The following RGL4 variants were observed in gnomAD, a reference collection of about 807,000 sequenced individuals.
RGL4 encodes the protein ral guanine nucleotide dissociation stimulator like 4, also known as ral-GDS-related protein.
In RGL4, 41 loss-of-function variants were observed where a neutral mutation model predicts 49.6. The ratio of observed to expected loss-of-function variants is 0.83; its 90% CI spans 0.64 to 1.07. The LOEUF is 1.07. Among genes scored for constraint, RGL4 ranks in the 50% least tolerant of loss-of-function variants. The pLI, the probability that RGL4 is intolerant of heterozygous loss-of-function variation, is 0.00. For missense variants in RGL4, 610 were observed against 591.9 expected (o/e 1.03, Z -0.32); for synonymous variants, 255 against 238.0 (o/e 1.07, Z -0.66).
intron 7 of RGL4, 92 bp from the exon 8 acceptor site, chr22:23,697,079 G>A (rs1923555531): frequency 1.3e-5 from 12 of 954,768 alleles, no homozygotes; most frequent in Admixed American, 1.1e-4. Context: ...AGGGGCTGAT[G>A]GGATTTCATG....
chr22:23,693,650 GT>G lies in RGL4; in HGVS notation c.697-107del, dbSNP rs1923287530. ...TTAAAGCTTTCTGAGCTCCAGCTTGGTTCCTGCCAGAGACCGTGGATGACTG... is the reference window on the plus strand; with the variant it reads ...TTAAAGCTTTCTGAGCTCCAGCTTGGTCCTGCCAGAGACCGTGGATGACTG... On this transcript the variant is annotated intron_variant, in intron 3 of 10. Transcript: ENST00000290691. 3 of 886,568 alleles carry G rather than the reference GT, an allele frequency of 3.4e-6. No individual in the cohort carries two copies. In the Admixed American group the frequency reaches 6.0e-5, roughly 18 times the overall value. 54.9% of individuals were successfully genotyped at this position (886,568 alleles called of 1,614,324 possible).
At position 23,695,438 on chromosome 22, in the gene RGL4, TCTGCTGCTGCTGCTGCTGCTGCTG is replaced by T. The variant is rs60344348; in HGVS notation, c.1086+435_1086+458del. The T allele has an allele frequency of 6.0e-5, 33 of 548,632 alleles. No homozygotes were observed. The African/African-American group carries it at 6.1e-4, about 10-fold the overall frequency. The allele number at this position is 548,632 out of a possible 1,614,324, so 34.0% of individuals were successfully genotyped here. Reference sequence around the variant, plus strand: ...CAGCAATTCCTCAGGAAGCCAGGCCTCTGCTGCTGCTGCTGCTGCTGCTGCTGCTGCTGCTGCTGTCTGCAGCAC... The same window carrying T: ...CAGCAATTCCTCAGGAAGCCAGGCCTCTGCTGCTGCTGCTGTCTGCAGCAC... On this transcript the variant is annotated intron_variant, in intron 6 of 10. Coordinates refer to ENST00000290691, the MANE Select transcript of RGL4 (RefSeq NM_153615.2).
At position 23,699,125 on chromosome 22, in the gene RGL4, G is replaced by T; in HGVS notation, c.*242G>T. The T allele has an allele frequency of 6.8e-7, 1 of 1,480,216 alleles. No homozygotes were observed. The allele number at this position is 1,480,216 out of a possible 1,614,324, so 91.7% of individuals were successfully genotyped here. Reference sequence around the variant, plus strand: ...TTTATTTTCTTTAGTGTATAAGTAAGGGTTTTTTCTTAACTTTCGTTAAAA... The same window carrying T: ...TTTATTTTCTTTAGTGTATAAGTAATGGTTTTTTCTTAACTTTCGTTAAAA... On this transcript the variant is annotated 3_prime_UTR_variant, in exon 11 of 11. Coordinates refer to ENST00000290691, the MANE Select transcript of RGL4 (RefSeq NM_153615.2).
chr22:23,692,964 G>T lies in RGL4; in HGVS notation c.669G>T (p.Leu223=). 1 of 1,609,302 alleles carries T rather than the reference G, an allele frequency of 6.2e-7. No individual in the cohort carries two copies. The change falls in exon 3 of 11, where the codon CTG becomes CTT. Residue 223 remains leucine, a synonymous_variant. Coordinates refer to ENST00000290691, the MANE Select transcript of RGL4 (RefSeq NM_153615.2). ...TGACGACCTTCCCTCCCAGGCTGCT[G>T]GCAGAGCAGCTGACCCTCATGGATG... is the stretch of plus-strand genomic sequence containing the variant. The part of the protein sequence containing the change: ...PDMTTFPPRL[L]AEQLTLMDAE...
At position 23,693,222 on chromosome 22, in the gene RGL4, A is replaced by G. The variant is rs181000781; in HGVS notation, c.696+231A>G. Reference sequence around the variant, plus strand: ...GTGACTGTGCAGACTGAGTGACAGGAGATGGACAGAAAGCAGGGCAGGGCA... The same window carrying G: ...GTGACTGTGCAGACTGAGTGACAGGGGATGGACAGAAAGCAGGGCAGGGCA... On this transcript the variant is annotated intron_variant, in intron 3 of 10. Transcript: ENST00000290691. 163 of 746,786 alleles carry G rather than the reference A, an allele frequency of 2.2e-4. 1 individual carries two copies. The highest frequency in any genetic ancestry group is 2.2e-3 in the African/African-American group (123 of 56,672). The allele number at this position is 746,786 out of a possible 1,614,324, so 46.3% of individuals were successfully genotyped here. A position where few individuals can be genotyped will look rare whatever the true frequency, so the allele number is the denominator to read the frequency against.
intron 5 of RGL4, chr22:23,694,699 C>T (rs1187493823): frequency 2.0e-5 from 12 of 593,410 alleles, no homozygotes; most frequent in Non-Finnish European, 3.3e-5. Flanking sequence ...TTGTACCCAG[C>T]AGTGGAACTC....
chr22:23,693,203 G>A (rs1923253728), intron 3 of RGL4: 1 of 845,142 alleles, frequency 1.2e-6, no homozygotes, highest in Middle Eastern at 3.7e-4. Context: ...CAGAGTGACT[G>A]TGCAGACTGA....
chr22:23,697,765 C>A, intron 8 of RGL4, 73 bp from the exon 9 acceptor site: 2 of 1,518,900 alleles, frequency 1.3e-6, no homozygotes, highest in Admixed American at 1.9e-5. Flanking sequence ...GGCAGTAGTG[C>A]AGCATGGGAA....
intron 10 of RGL4, chr22:23,698,583 G>A (rs1396772987): frequency 4.2e-6 from 3 of 721,156 alleles, no homozygotes; most frequent in East Asian, 2.7e-5. Flanking sequence ...GTCCAGGATC[G>A]TCTCAAACTC....
rs1446112815 is a variant in RGL4 at position 23,694,933 on chromosome 22, C to G, written c.1017-17C>G. The stretch of plus-strand genomic sequence containing the variant: ...CTGATTCCCAAATTTACCCTTCTTT[C>G]TTTCCTCTGCCCATAGCAAAAGCAT... On this transcript the variant is annotated splice_polypyrimidine_tract_variant and intron_variant, in intron 5 of 10. Transcript: ENST00000290691. The G allele has an allele frequency of 1.2e-6, 2 of 1,608,724 alleles. No homozygotes were observed. Among genetic ancestry groups the G allele is most frequent in the Non-Finnish European group, 1.7e-6 (2 of 1,175,582 alleles).
intron 6 of RGL4, 195 bp downstream of exon 6, chr22:23,695,214 G>GTGGGGGCA (rs1301352802): frequency 1.9e-6 from 1 of 527,978 alleles, no homozygotes; most frequent in Non-Finnish European, 3.5e-6. Flanking sequence ...CCATGGGCAC[G>GTGGGGGCA]TGGGGGCATG....
chr22:23,697,775 A>AGGGGT (rs1222740373), intron 8 of RGL4, 63 bp from the exon 9 acceptor site: 10 of 1,482,956 alleles, frequency 6.7e-6, no homozygotes, highest in Non-Finnish European at 9.1e-6. Context: ...CAGCATGGGA[A>AGGGGT]GGGGTGGGGT....
intron 2 of RGL4, 46 bp from the exon 3 acceptor site, chr22:23,692,623 A>C: frequency 1.3e-6 from 2 of 1,571,804 alleles, no homozygotes; most frequent in Non-Finnish European, 1.7e-6. Context: ...TGCTTGGAAA[A>C]CCCAGTGAAA....
At position 23,698,935 on chromosome 22, in the gene RGL4, A is replaced by C; in HGVS notation, c.*52A>C. ...AACCCACCGGGATGCTGGCCAGAAC[A>C]CCGGCTCTGCACCATCCCTCACCCA... On this transcript the variant is annotated 3_prime_UTR_variant, in exon 11 of 11. Coordinates refer to ENST00000290691, the MANE Select transcript of RGL4 (RefSeq NM_153615.2). 6.3e-7 allele frequency: 1 copy of C among 1,599,944 alleles called. No homozygotes were observed. Among genetic ancestry groups the C allele is most frequent in the Non-Finnish European group, 8.5e-7 (1 of 1,173,294 alleles).
intron 3 of RGL4, among the ~76,000 whole-genome samples, chr22:23,693,541 T>G (rs1448570758): frequency 2.0e-5 from 3 of 152,070 alleles, no homozygotes; most frequent in Admixed American, 6.6e-5. Flanking sequence ...TTCCCACCCT[T>G]GTTGGGTTCT....
At chr22:23,693,354 G>A (rs1240762028) in intron 3 of RGL4, among the ~76,000 whole-genome samples, 1 of 152,184 alleles carries the variant, frequency 6.6e-6, no homozygotes, top group Non-Finnish European at 1.5e-5. Flanking sequence ...GGATTCTATG[G>A]TAGACACCCA....
In RGL4 at chr22:23,699,053, G is replaced by T. The variant is rs549310124; in HGVS notation, c.*170G>T. The T allele has an allele frequency of 6.5e-7, 1 of 1,545,382 alleles. No homozygotes were observed. ...ATCACCAACTGCTCCTGCTGGCCAG[G>T]ATCAGGCCATGGGACTTTTGTGAGT... On this transcript the variant is annotated 3_prime_UTR_variant, in exon 11 of 11. Coordinates refer to ENST00000290691, the MANE Select transcript of RGL4 (RefSeq NM_153615.2).
Position 23,698,278 on chromosome 22 carries a change from C to T in RGL4, c.1327C>T (p.Leu443Phe), listed in dbSNP as rs757616665. The change falls in exon 10 of 11, where the codon CTT becomes TTT. Residue 443 changes from leucine (L) to phenylalanine (F), a missense_variant. Transcript: ENST00000290691. The stretch of plus-strand genomic sequence containing the variant: ...TGCCATGAATTACAGGCTTCGGCCT[C>T]TTGAGAAATTTGTCACCTATTTCAC... ...VAAMNYRLRP[L>F]EKFVTYFTRM... The T allele has an allele frequency of 3.7e-6, 6 of 1,612,282 alleles. No homozygotes were observed. The highest frequency in any genetic ancestry group is 4.2e-6 in the Non-Finnish European group (5 of 1,178,434).
At chr22:23,697,506 C>A (rs996888809) in intron 8 of RGL4, among the ~76,000 whole-genome samples, 2 of 152,170 alleles carry the variant, frequency 1.3e-5, no homozygotes, top group Non-Finnish European at 2.9e-5. Flanking sequence ...GTGGGCTGAA[C>A]TGGGCTCAGC....
Sources: allele counts gnomAD v4.1 joint callset (sites outside exome capture counted in the v4.1 genomes callset), GRCh38; gene constraint gnomAD v4.1.1; transcripts MANE v1.5; gene names NCBI Gene and HGNC (gene_info 2026-07-23, HGNC 2026-07-21).